The following LRRC72 variants were observed in gnomAD, a reference collection of about 807,000 sequenced individuals.
LRRC72 encodes the protein leucine rich repeat containing 72.
LRRC72 carries 41 observed loss-of-function variants against 35.8 expected under a neutral mutation model. The observed-to-expected ratio is 1.15, with a 90% CI of 0.89 to 1.49. The LOEUF (loss-of-function observed/expected upper bound fraction) is 1.49, where lower values mean the gene tolerates loss of function less well. LRRC72 is among the 40% of genes most tolerant of loss of function. The probability of loss-of-function intolerance (pLI) is 0.00; values close to 1 mark genes in which losing one functional copy is unlikely to be tolerated. For missense variants in LRRC72, 389 were observed against 330.7 expected, an observed-to-expected ratio of 1.18 and a Z score of -1.37; for synonymous variants, 118 against 119.2, an observed-to-expected ratio of 0.99 and a Z score of 0.07.
chr7:16,532,278 T>G (rs551324193), intron 1 of LRRC72, among the ~76,000 whole-genome samples: 1 of 152,320 alleles, frequency 6.6e-6, no homozygotes, highest in African/African-American at 2.4e-5. Context: ...AAAAATTATT[T>G]AAACATCTGT....
At chr7:16,535,296 A>G (rs943862476) in intron 2 of LRRC72, among the ~76,000 whole-genome samples, 1 of 152,168 alleles carries the variant, frequency 6.6e-6, no homozygotes, top group Non-Finnish European at 1.5e-5. Flanking sequence ...TTCTGCTTGA[A>G]ATGTCTTTTA....
At position 16,564,761 on chromosome 7, in the gene LRRC72, A is replaced by G. The variant is rs544241286; in HGVS notation, c.428-1552A>G. Among the ~76,000 whole-genome samples the G allele has an allele frequency of 8.8e-4, 134 of 152,336 alleles. 1 individual carries two copies. The highest frequency in any genetic ancestry group is 1.3e-3 in the Non-Finnish European group (89 of 68,022). On this transcript the variant is annotated intron_variant, in intron 5 of 8. Coordinates refer to ENST00000401542, the MANE Select transcript of LRRC72 (RefSeq NM_001195280.2). ...CCAGAAAAAGTTGTGTTTATACAAC[A>G]AATATCAGAATGCTTTATTACTACA...
At chr7:16,535,975 T>C (rs918979904) in intron 2 of LRRC72, among the ~76,000 whole-genome samples, 1 of 152,164 alleles carries the variant, frequency 6.6e-6, no homozygotes, top group South Asian at 2.1e-4. Context: ...TGGGTTCAAG[T>C]GATTCTCCTG....
At chr7:16,530,530 C>T (rs1194969628) in intron 1 of LRRC72, 1 of 152,184 alleles carries the variant, frequency 6.6e-6, no homozygotes, top group Admixed American at 6.5e-5. Context: ...ATCCCCTAGT[C>T]CAGTCAAATT....
chr7:16,537,333 C>T (rs1377144499), intron 2 of LRRC72, among the ~76,000 whole-genome samples: 4 of 152,144 alleles, frequency 2.6e-5, no homozygotes, highest in African/African-American at 9.7e-5. Flanking sequence ...CCCAGTAAAA[C>T]TTGTTTTGAA....
At chr7:16,559,084 G>A (rs565814500) in intron 5 of LRRC72, 85 bp downstream of exon 5, 4 of 779,818 alleles carry the variant, frequency 5.1e-6, no homozygotes, top group Non-Finnish European at 8.1e-6. Context: ...TAAAATTAGA[G>A]AGGCAATGTT....
chr7:16,546,796 C>CGAG (rs967248245), intron 3 of LRRC72, among the ~76,000 whole-genome samples: 93 of 152,238 alleles, frequency 6.1e-4, no homozygotes, highest in African/African-American at 2.0e-3. Flanking sequence ...TGGCCCTCTC[C>CGAG]CTTCCTGTGA....
chr7:16,575,874 T>G (rs1783031722), intron 7 of LRRC72, among the ~76,000 whole-genome samples: 2 of 152,158 alleles, frequency 1.3e-5, no homozygotes, highest in Admixed American at 1.3e-4. Flanking sequence ...TATTTTTCAG[T>G]GCTATAATTA....
At chr7:16,530,141 A>C (rs1782137494) in intron 1 of LRRC72, 1 of 152,216 alleles carries the variant, frequency 6.6e-6, no homozygotes, top group Non-Finnish European at 1.5e-5. Flanking sequence ...AATAGGATAT[A>C]TAGAGATATA....
At chr7:16,576,639 C>G (rs747138436) in intron 7 of LRRC72, among the ~76,000 whole-genome samples, 2 of 152,170 alleles carry the variant, frequency 1.3e-5, no homozygotes, top group Non-Finnish European at 2.9e-5. Context: ...GGGCTTCTAC[C>G]TGGCTTTAAG....
intron 7 of LRRC72, among the ~76,000 whole-genome samples, chr7:16,570,835 C>T (rs866311823): frequency 6.6e-6 from 1 of 152,044 alleles, no homozygotes; most frequent in African/African-American, 2.4e-5. Flanking sequence ...AACAAAAAAC[C>T]CATATTCACA....
At chr7:16,553,675 T>G (rs1010351998) in intron 3 of LRRC72, among the ~76,000 whole-genome samples, 36 of 152,310 alleles carry the variant, frequency 2.4e-4, no homozygotes, top group African/African-American at 7.9e-4. Flanking sequence ...AGGATGCTAA[T>G]GTACAACCCC....
intron 7 of LRRC72, among the ~76,000 whole-genome samples, chr7:16,578,970 A>G (rs1453176239): frequency 6.6e-6 from 1 of 152,154 alleles, no homozygotes; most frequent in Non-Finnish European, 1.5e-5. Context: ...GGGGAAGGGG[A>G]AATGGGGAGA....
chr7:16,532,433 C>A, intron 1 of LRRC72, 62 bp from the exon 2 acceptor site: 1 of 1,151,196 alleles, frequency 8.7e-7, no homozygotes, highest in Non-Finnish European at 1.3e-6. Context: ...TTACTGACTG[C>A]AAGTGCCTCA....
intron 3 of LRRC72, among the ~76,000 whole-genome samples, chr7:16,541,684 C>A (rs1400245861): frequency 1.3e-5 from 2 of 152,100 alleles, no homozygotes; most frequent in Non-Finnish European, 2.9e-5. Context: ...GAGGCCGAGG[C>A]GAATGGATCA....
At chr7:16,560,094 T>A (rs915096719) in intron 5 of LRRC72, among the ~76,000 whole-genome samples, 1 of 152,180 alleles carries the variant, frequency 6.6e-6, no homozygotes, top group African/African-American at 2.4e-5. Context: ...CAATACAAGA[T>A]AAAGGATTCT....
intron 5 of LRRC72, among the ~76,000 whole-genome samples, chr7:16,562,912 G>T (rs1157250148): frequency 6.6e-6 from 1 of 152,176 alleles, no homozygotes; most frequent in African/African-American, 2.4e-5. Context: ...ACAATCAGGG[G>T]TGATTTCCAT....
chr7:16,574,001 G>A (rs1400121547), intron 7 of LRRC72, among the ~76,000 whole-genome samples: 2 of 152,064 alleles, frequency 1.3e-5, no homozygotes, highest in Non-Finnish European at 2.9e-5. Context: ...ATATGAACAG[G>A]CACTTCTCAA....
chr7:16,553,024 C>T (rs1287198210), intron 3 of LRRC72, among the ~76,000 whole-genome samples: 2 of 152,084 alleles, frequency 1.3e-5, no homozygotes, highest in East Asian at 3.8e-4. Context: ...ATTAGTAAGG[C>T]TACATTCTGT....
Sources: allele counts gnomAD v4.1 joint callset (sites outside exome capture counted in the v4.1 genomes callset), GRCh38; gene constraint gnomAD v4.1.1; transcripts MANE v1.5; gene names NCBI Gene and HGNC (gene_info 2026-07-23, HGNC 2026-07-21).